The following ZDHHC2 variants were observed in gnomAD, a reference collection of about 807,000 sequenced individuals.
ZDHHC2 encodes the protein zDHHC palmitoyltransferase 2.
Under a neutral mutation model 55.6 loss-of-function variants are expected in ZDHHC2, and 51 were observed. The observed-to-expected ratio is 0.92, with a 90% CI of 0.73 to 1.16. The LOEUF is 1.16. Among genes scored for constraint, ZDHHC2 ranks in the 50% most tolerant of loss-of-function variants. ZDHHC2 has a pLI of 0.00. For synonymous variants in ZDHHC2, 199 were observed against 152.9 expected, an observed-to-expected ratio of 1.30 and a Z score of -2.22; for missense variants, 491 against 442.4, an observed-to-expected ratio of 1.11 and a Z score of -0.99.
chr8:17,173,674 CCT>C (rs1251441660), intron 1 of ZDHHC2, among the ~76,000 whole-genome samples: 1 of 112,646 alleles, frequency 8.9e-6, no homozygotes, highest in Non-Finnish European at 2.2e-5. Flanking sequence ...GGAAAAAGAC[CCT>C]GTCTTAAAAA....
rs773114325 is a variant in ZDHHC2, at chr8:17,197,589, A to G, written c.381A>G (p.Arg127=). 2 of 1,613,564 alleles carry G rather than the reference A, an allele frequency of 1.2e-6. No individual in the cohort carries two copies. The highest frequency in any genetic ancestry group is 1.1e-5 in the South Asian group (1 of 91,042). Reference sequence around the variant, plus strand: ...GGAGCTTTTTGTCCCTAGCCATCCGATACTGTGACAGATGCCAACTTATAA... The same window carrying G: ...GGAGCTTTTTGTCCCTAGCCATCCGGTACTGTGACAGATGCCAACTTATAA... ...IYTRTMSGAI[R]YCDRCQLIKP... is the part of the protein sequence containing the mutation. The change falls in exon 5 of 13, where the codon CGA becomes CGG. Residue 127 remains arginine (R), a synonymous_variant. Coordinates refer to ENST00000262096, the MANE Select transcript of ZDHHC2 (RefSeq NM_016353.5).
intron 4 of ZDHHC2, among the ~76,000 whole-genome samples, chr8:17,196,706 C>T (rs758306652): frequency 2.0e-5 from 3 of 151,830 alleles, no homozygotes; most frequent in African/African-American, 4.8e-5. Context: ...AGTTTGAGAC[C>T]GGTGTGGCCA....
At chr8:17,213,398 T>A (rs889117606) in intron 10 of ZDHHC2, among the ~76,000 whole-genome samples, 7 of 151,968 alleles carry the variant, frequency 4.6e-5, no homozygotes, top group Non-Finnish European at 8.8e-5. Context: ...GAATTACATG[T>A]ACACCACAAT....
chr8:17,211,729 C>T (rs949362682), intron 10 of ZDHHC2, among the ~76,000 whole-genome samples: 1 of 151,964 alleles, frequency 6.6e-6, no homozygotes, highest in Admixed American at 6.6e-5. Flanking sequence ...CAGGCCAGAC[C>T]CTACCAGTTA....
At chr8:17,200,916 C>T (rs1009717325) in intron 6 of ZDHHC2, among the ~76,000 whole-genome samples, 1 of 152,194 alleles carries the variant, frequency 6.6e-6, no homozygotes, top group Non-Finnish European at 1.5e-5. Context: ...TCCCTTGCGG[C>T]ATCCACTGTC....
At chr8:17,199,109 G>T (rs1172980510) in intron 6 of ZDHHC2, among the ~76,000 whole-genome samples, 2 of 152,122 alleles carry the variant, frequency 1.3e-5, no homozygotes, top group African/African-American at 4.8e-5. Flanking sequence ...TTTCTTTCAG[G>T]GATGGCTCTA....
chr8:17,183,420 A>G (rs1007521906), intron 1 of ZDHHC2, among the ~76,000 whole-genome samples: 1 of 152,198 alleles, frequency 6.6e-6, no homozygotes, highest in African/African-American at 2.4e-5. Context: ...TGCTTCAGGG[A>G]TTCTATGAGA....
rs545005440 is a variant in ZDHHC2, at chr8:17,223,820, C to T, written c.*3599C>T. 18 of 151,844 alleles carry T rather than the reference C, an allele frequency of 1.2e-4. No individual in the cohort carries two copies. The South Asian group carries it at 3.5e-3, about 30-fold the overall frequency. The allele number at this position is 151,844 out of a possible 1,614,324, so 9.4% of individuals were successfully genotyped here. ...TACAGAACACAGGAAATTGTTAAACCTTATAATGTTGCAAACCATGCATTT... is the reference window on the plus strand; with the variant it reads ...TACAGAACACAGGAAATTGTTAAACTTTATAATGTTGCAAACCATGCATTT... On this transcript the variant is annotated 3_prime_UTR_variant, in exon 13 of 13. Transcript: ENST00000262096.
rs1804058568 is a variant in ZDHHC2, at chr8:17,156,646, G to A, written c.-78G>A. The A allele has an allele frequency of 4.5e-6, 5 of 1,112,816 alleles. No individual in the cohort carries two copies. The highest frequency in any genetic ancestry group is 8.2e-5 in the South Asian group (2 of 24,360). The allele number at this position is 1,112,816 out of a possible 1,614,324, so 68.9% of individuals were successfully genotyped here. On this transcript the variant is annotated 5_prime_UTR_variant, in exon 1 of 13. In the 5' UTR this introduces an upstream ATG that the reference lacks. Transcript: ENST00000262096. ...CGCCCAGGAGCCCGTCCAGCCAGGG[G>A]TGCCGGGCCCGCCCAGCCCGCCCCG...
rs1430004099 is a variant in ZDHHC2, at chr8:17,174,702, A to G, written c.131-10087A>G. On this transcript the variant is annotated intron_variant, in intron 1 of 12. Transcript: ENST00000262096. Reference sequence around the variant, plus strand: ...TCATTTTTGTGTTTGATATTGTGTTATTCTTTTTTTTTTTTTTTTTTTTTT... The same window carrying G: ...TCATTTTTGTGTTTGATATTGTGTTGTTCTTTTTTTTTTTTTTTTTTTTTT... Among the ~76,000 whole-genome samples, 12 of 89,514 alleles carry G rather than the reference A, an allele frequency of 1.3e-4. No individual in the cohort carries two copies. In the Admixed American group the frequency reaches 1.8e-3, roughly 13 times the overall value. 58.7% of individuals were successfully genotyped at this position (89,514 alleles called of 152,430 possible).
At chr8:17,199,981 T>C (rs1563162201) in intron 6 of ZDHHC2, among the ~76,000 whole-genome samples, 1 of 151,982 alleles carries the variant, frequency 6.6e-6, no homozygotes, top group Admixed American at 6.6e-5. Context: ...GGTCTCGAAC[T>C]CTTGACCTTG....
At chr8:17,161,061 C>T (rs1374724165) in intron 1 of ZDHHC2, among the ~76,000 whole-genome samples, 11 of 152,166 alleles carry the variant, frequency 7.2e-5, no homozygotes, top group Non-Finnish European at 1.5e-4. Flanking sequence ...TTGAGAGATA[C>T]GCTGCCATGT....
chr8:17,162,904 G>A (rs2904662), intron 1 of ZDHHC2: 89,907 of 152,160 alleles, frequency 0.59, 27,173 homozygotes, highest in East Asian at 0.78. Context: ...GTAGAAATGA[G>A]TTTTAAGTCA....
At chr8:17,192,476 T>C (rs540860799) in intron 3 of ZDHHC2, among the ~76,000 whole-genome samples, 27 of 152,336 alleles carry the variant, frequency 1.8e-4, no homozygotes, top group African/African-American at 6.3e-4. Context: ...ATTATTAGAT[T>C]TTTTTCCTAT....
intron 4 of ZDHHC2, 91 bp downstream of exon 4, chr8:17,195,715 A>G (rs1400514380): frequency 7.4e-6 from 11 of 1,494,516 alleles, no homozygotes; most frequent in Non-Finnish European, 1.0e-5. Flanking sequence ...TTGAAATGGT[A>G]AAACACTCAT....
intron 1 of ZDHHC2, among the ~76,000 whole-genome samples, chr8:17,176,216 T>C (rs1484985420): frequency 6.6e-6 from 1 of 152,122 alleles, no homozygotes; most frequent in South Asian, 2.1e-4. Flanking sequence ...GTCGATTGCC[T>C]TGCCCCGTGT....
rs1406296799 is a variant in ZDHHC2 at position 17,197,644 on chromosome 8, T to C, written c.436T>C (p.Cys146Arg). The change falls in exon 5 of 13, where the codon TGT becomes CGT. Residue 146 changes from cysteine (C) to arginine (R), a missense_variant. Coordinates refer to ENST00000262096, the MANE Select transcript of ZDHHC2 (RefSeq NM_016353.5). ...AGATCGCTGCCATCACTGCTCCGTCTGTGATAAGTAAGAGAACCTTTAACT... is the reference window on the plus strand; with the variant it reads ...AGATCGCTGCCATCACTGCTCCGTCCGTGATAAGTAAGAGAACCTTTAACT... Reference protein sequence around the residue: ...KPDRCHHCSVCDKCILKMDHH... With the variant: ...KPDRCHHCSVRDKCILKMDHH... The C allele has an allele frequency of 6.2e-7, 1 of 1,613,440 alleles. No homozygotes were observed. Among genetic ancestry groups the C allele is most frequent in the Non-Finnish European group, 8.5e-7 (1 of 1,179,604 alleles).
chr8:17,215,065 C>T (rs764143880), intron 10 of ZDHHC2, among the ~76,000 whole-genome samples, 172 bp from the exon 11 acceptor site: 5 of 152,092 alleles, frequency 3.3e-5, no homozygotes, highest in South Asian at 2.1e-4. Flanking sequence ...CTTTTCTCAC[C>T]GCGAGTCAGT....
intron 3 of ZDHHC2, among the ~76,000 whole-genome samples, chr8:17,193,817 G>A (rs1034405124): frequency 6.6e-6 from 1 of 152,040 alleles, no homozygotes; most frequent in Non-Finnish European, 1.5e-5. Flanking sequence ...TGTCCAGAAC[G>A]TGGAGGTTTG....
Sources: allele counts gnomAD v4.1 joint callset (sites outside exome capture counted in the v4.1 genomes callset), GRCh38; gene constraint gnomAD v4.1.1; transcripts MANE v1.5; gene names NCBI Gene and HGNC (gene_info 2026-07-23, HGNC 2026-07-21).